The following CTNNA3 variants were observed in gnomAD, a reference collection of about 807,000 sequenced individuals.
The protein encoded by CTNNA3 is catenin alpha-3.
In CTNNA3, 76 loss-of-function variants were observed where a neutral mutation model predicts 95.7. The observed-to-expected ratio is 0.79, with a 90% CI of 0.66 to 0.96. The LOEUF is 0.96. CTNNA3 is among the 40% of genes least tolerant of loss of function. The probability of loss-of-function intolerance (pLI) is 0.00; values close to 1 mark genes in which losing one functional copy is unlikely to be tolerated. For synonymous variants in CTNNA3, 431 were observed against 374.4 expected, an observed-to-expected ratio of 1.15 and a Z score of -1.74; for missense variants, 1,191 against 1,089.8, an observed-to-expected ratio of 1.09 and a Z score of -1.31.
intron 9 of CTNNA3, among the ~76,000 whole-genome samples, chr10:66,738,519 T>C (rs996347761): frequency 2.0e-5 from 3 of 152,242 alleles, no homozygotes; most frequent in African/African-American, 7.2e-5. Context: ...ATATACATTC[T>C]AGAAAAAATA....
chr10:66,848,568 G>T (rs1420846933), intron 7 of CTNNA3, among the ~76,000 whole-genome samples: 1 of 152,110 alleles, frequency 6.6e-6, no homozygotes, highest in Non-Finnish European at 1.5e-5. Context: ...TTTTAAAAAT[G>T]CTGCTGTGAA....
intron 1 of CTNNA3, among the ~76,000 whole-genome samples, chr10:67,724,644 A>G (rs1167552334): frequency 1.3e-5 from 2 of 152,194 alleles, no homozygotes; most frequent in Non-Finnish European, 2.9e-5. Flanking sequence ...GAGCTGATAA[A>G]CAATTGCCAG....
intron 12 of CTNNA3, among the ~76,000 whole-genome samples, chr10:66,317,364 G>C (rs912903352): frequency 6.6e-6 from 1 of 151,708 alleles, no homozygotes; most frequent in Non-Finnish European, 1.5e-5. Context: ...TACAGTTTTC[G>C]TAGAAATACT....
intron 5 of CTNNA3, among the ~76,000 whole-genome samples, chr10:67,331,266 A>G (rs1282898763): frequency 6.6e-6 from 1 of 152,114 alleles, no homozygotes. Flanking sequence ...GCACAAAATG[A>G]TTATCTTACT....
chr10:67,371,571 T>C (rs1016132844), intron 5 of CTNNA3, among the ~76,000 whole-genome samples: 2 of 152,182 alleles, frequency 1.3e-5, no homozygotes, highest in Admixed American at 1.3e-4. Flanking sequence ...ATCTTTCTTA[T>C]GGTGTCATAG....
rs2077008366 is a variant in CTNNA3, at chr10:65,916,327, CA to C, written c.*4002del. 6.6e-6 allele frequency: 1 copy of C among 151,854 alleles called. No individual in the cohort carries two copies. Among genetic ancestry groups the C allele is most frequent in the African/African-American group, 2.4e-5 (1 of 41,334 alleles). The allele number at this position is 151,854 out of a possible 1,614,324, so 9.4% of individuals were successfully genotyped here. A position where few individuals can be genotyped will look rare whatever the true frequency, so the allele number is the denominator to read the frequency against. ...CAGGCTGTCTTGGCAAAAAATAGGCCAACAAAAGAAAGTACAGATTTCATTC... is the reference window on the plus strand; with the variant it reads ...CAGGCTGTCTTGGCAAAAAATAGGCCACAAAAGAAAGTACAGATTTCATTC... On this transcript the variant is annotated 3_prime_UTR_variant, in exon 18 of 18. Coordinates refer to ENST00000433211, the MANE Select transcript of CTNNA3 (RefSeq NM_013266.4).
intron 7 of CTNNA3, among the ~76,000 whole-genome samples, chr10:67,113,927 T>A (rs991545705): frequency 6.6e-6 from 1 of 151,872 alleles, no homozygotes. Flanking sequence ...AAAAGTTTTT[T>A]AAAAAATTAG....
At position 67,542,865 on chromosome 10, in the gene CTNNA3, A is replaced by T. The variant is rs555686019; in HGVS notation, c.293-3196T>A. Among the ~76,000 whole-genome samples the T allele has an allele frequency of 6.6e-5, 10 of 152,242 alleles. No homozygotes were observed. In the East Asian group the frequency reaches 1.9e-3, roughly 29 times the overall value. On this transcript the variant is annotated intron_variant, in intron 3 of 17. Transcript: ENST00000433211. Reference sequence around the variant, plus strand: ...ACAGGAGAAAATGGTTATTTTCCTAATTAAATAGAAAAAAAGGTACAGGTT... The same window carrying T: ...ACAGGAGAAAATGGTTATTTTCCTATTTAAATAGAAAAAAAGGTACAGGTT...
chr10:66,376,569 A>G, intron 12 of CTNNA3, among the ~76,000 whole-genome samples: 1 of 152,078 alleles, frequency 6.6e-6, no homozygotes. Context: ...TGTTCTAAAA[A>G]CCTTCTTTGT....
intron 14 of CTNNA3, among the ~76,000 whole-genome samples, chr10:66,084,667 C>A (rs770429165): frequency 3.3e-5 from 5 of 152,070 alleles, no homozygotes; most frequent in Non-Finnish European, 7.4e-5. Flanking sequence ...TCTATTTTCT[C>A]TAAGCCTCCT....
At chr10:66,931,657 G>T (rs1051624047) in intron 7 of CTNNA3, among the ~76,000 whole-genome samples, 4 of 151,938 alleles carry the variant, frequency 2.6e-5, no homozygotes, top group African/African-American at 9.7e-5. Context: ...TAGTAAATCA[G>T]ATTTGAATTT....
intron 7 of CTNNA3, among the ~76,000 whole-genome samples, chr10:66,819,263 G>C (rs1172541903): frequency 6.6e-6 from 1 of 151,910 alleles, no homozygotes; most frequent in African/African-American, 2.4e-5. Flanking sequence ...TCAACAAATG[G>C]GTCTGGGACA....
intron 11 of CTNNA3, among the ~76,000 whole-genome samples, chr10:66,452,429 T>C (rs1359830750): frequency 6.6e-6 from 1 of 152,098 alleles, no homozygotes; most frequent in East Asian, 1.9e-4. Flanking sequence ...CTGACCTAAG[T>C]GACTCCATCT....
At chr10:66,952,206 T>G (rs1848571302) in intron 7 of CTNNA3, among the ~76,000 whole-genome samples, 1 of 152,176 alleles carries the variant, frequency 6.6e-6, no homozygotes, top group African/African-American at 2.4e-5. Context: ...CAAAAGTCTT[T>G]GCTAAGATCC....
At chr10:67,417,226 A>T (rs1845578282) in intron 5 of CTNNA3, among the ~76,000 whole-genome samples, 1 of 152,208 alleles carries the variant, frequency 6.6e-6, no homozygotes, top group South Asian at 2.1e-4. Flanking sequence ...GTTTGCACTT[A>T]TAAGTGGGAG....
intron 13 of CTNNA3, among the ~76,000 whole-genome samples, chr10:66,252,131 G>A (rs1012921113): frequency 2.6e-5 from 4 of 152,252 alleles, no homozygotes; most frequent in African/African-American, 4.8e-5. Context: ...GAGTAAAAAA[G>A]ACAATGATAT....
At chr10:66,642,279 A>AAACACAC (rs1845544939) in intron 9 of CTNNA3, among the ~76,000 whole-genome samples, 1 of 61,338 alleles carries the variant, frequency 1.6e-5, no homozygotes, top group African/African-American at 5.4e-5. Context: ...CACACACACA[A>AAACACAC]ACACACACAC....
intron 1 of CTNNA3, among the ~76,000 whole-genome samples, chr10:67,656,502 T>C (rs1375653836): frequency 6.6e-6 from 1 of 152,172 alleles, no homozygotes; most frequent in Non-Finnish European, 1.5e-5. Context: ...GAGGAGAGTG[T>C]GACCATAAAC....
At chr10:66,416,179 TAA>T (rs1477615534) in intron 11 of CTNNA3, among the ~76,000 whole-genome samples, 1 of 152,020 alleles carries the variant, frequency 6.6e-6, no homozygotes. Flanking sequence ...AAAATACATT[TAA>T]AAGCTTCAAC....
Sources: gnomAD v4.1 joint callset for allele counts (sites outside exome capture counted in the v4.1 genomes callset) on GRCh38, gnomAD v4.1.1 for gene constraint, MANE v1.5 for transcripts, NCBI Gene and HGNC (gene_info 2026-07-23, HGNC 2026-07-21) for gene names.